Variants in ATPAF2 observed in about 807,000 individuals in gnomAD.
ATPAF2 encodes the protein ATP synthase mitochondrial F1 complex assembly factor 2, also known as ATP12 homolog.
ATPAF2 carries 30 observed loss-of-function variants against 36.6 expected under a neutral mutation model. That is an observed-to-expected ratio of 0.82 (90% CI 0.61 to 1.11). The LOEUF is 1.11. Ranked by LOEUF, ATPAF2 falls within the 50% of genes most tolerant of loss-of-function variation. ATPAF2 has a pLI of 0.00. For missense variants in ATPAF2, 321 were observed against 372.3 expected (o/e 0.86, Z 1.13); for synonymous variants, 140 against 152.6 (o/e 0.92, Z 0.61).
intron 3 of ATPAF2, among the ~76,000 whole-genome samples, chr17:18,027,784 C>A (rs1448229217): frequency 6.6e-6 from 1 of 152,214 alleles, no homozygotes; most frequent in Non-Finnish European, 1.5e-5. Context: ...TGAGTACCAA[C>A]TAAATTACCT....
rs2044577281 is a variant in ATPAF2 at position 18,028,281 on chromosome 17, G to A, written c.275C>T (p.Thr92Ile). 1 of 1,614,088 alleles carries A rather than the reference G, an allele frequency of 6.2e-7. No homozygotes were observed. Among genetic ancestry groups the A allele is most frequent in the Admixed American group, 1.7e-5 (1 of 60,004 alleles). The change falls in exon 3 of 8, where the codon ACT becomes ATT. Residue 92 changes from threonine (T) to isoleucine (I), a missense_variant. By Grantham distance (89) the Thr-to-Ile change is moderately conservative (BLOSUM62 -1). Around this residue, in one of 3 missense-constraint regions of ATPAF2, gnomAD observed 53 missense variants for 91.6 expected, o/e 0.58. Transcript: ENST00000474627. ...GGTATCCTGCTGGGAATCCCACTCAGTAGCCACTGCAATGGCCAGGGCCTC... is the reference window on the plus strand; with the variant it reads ...GGTATCCTGCTGGGAATCCCACTCAATAGCCACTGCAATGGCCAGGGCCTC... ...PSEALAIAVA[T>I]EWDSQQDTIK...
intron 4 of ATPAF2, chr17:18,026,057 G>T (rs982451553): frequency 1.8e-6 from 1 of 561,700 alleles, no homozygotes; most frequent in African/African-American, 1.9e-5. Context: ...CACGGCACCT[G>T]CAAGAGCTGC....
chr17:18,019,245 G>C (rs961096203), intron 7 of ATPAF2, among the ~76,000 whole-genome samples: 2 of 151,806 alleles, frequency 1.3e-5, no homozygotes, highest in Non-Finnish European at 2.9e-5. Flanking sequence ...TGGCATGGAT[G>C]GTCTGGAAGA....
rs1346345212 is a variant in ATPAF2, at chr17:18,018,412, G to A, written c.*137C>T. 3.9e-5 allele frequency: 49 copies of A among 1,262,422 alleles called. No individual in the cohort carries two copies. The highest frequency in any genetic ancestry group is 3.2e-4 in the South Asian group (26 of 82,484). The allele number at this position is 1,262,422 out of a possible 1,614,324, so 78.2% of individuals were successfully genotyped here. A position where few individuals can be genotyped will look rare whatever the true frequency, so the allele number is the denominator to read the frequency against. ...CAGCCGTACTAGCGCACTGTGTCTC[G>A]GGGGGAATCTCAGGGTGACGCTGAG... On this transcript the variant is annotated 3_prime_UTR_variant, in exon 8 of 8. Coordinates refer to ENST00000474627, the MANE Select transcript of ATPAF2 (RefSeq NM_145691.4).
rs201900136 is a variant in ATPAF2 at position 18,021,873 on chromosome 17, C to G, written c.504-16G>C. The G allele has an allele frequency of 1.9e-6, 3 of 1,608,488 alleles. No individual in the cohort carries two copies. The highest frequency in any genetic ancestry group is 2.6e-6 in the Non-Finnish European group (3 of 1,175,022). On this transcript the variant is annotated splice_polypyrimidine_tract_variant and intron_variant, in intron 5 of 7. Coordinates refer to ENST00000474627, the MANE Select transcript of ATPAF2 (RefSeq NM_145691.4). ...CACGCCGTATCTGAAAGGAAAAGGG[C>G]TTCGGCATGTCTCTGTCATGCTGTA... is the stretch of plus-strand genomic sequence containing the variant.
At position 18,028,116 on chromosome 17, in the gene ATPAF2, G is replaced by C. The variant is rs2044574122; in HGVS notation, c.324+116C>G. ...TGACTTGAGAGGAGGTGAATCCCTG[G>C]GGGCCAGACAGGCAAAGGACCAGCC... On this transcript the variant is annotated intron_variant, in intron 3 of 7. Transcript: ENST00000474627. The C allele has an allele frequency of 7.1e-6, 9 of 1,266,860 alleles. No individual in the cohort carries two copies. The Admixed American group carries it at 1.3e-4, about 19-fold the overall frequency. The allele number at this position is 1,266,860 out of a possible 1,614,324, so 78.5% of individuals were successfully genotyped here.
chr17:18,018,460 A>T lies in ATPAF2; in HGVS notation c.*89T>A. 1.3e-6 allele frequency: 2 copies of T among 1,582,886 alleles called. No individual in the cohort carries two copies. Among genetic ancestry groups the T allele is most frequent in the Non-Finnish European group, 1.7e-6 (2 of 1,163,780 alleles). Reference sequence around the variant, plus strand: ...GAGGCCGAGTCCCCAAAAGCCAAGGAAGCCAGCCCCACAGGCTGGGGAGCC... The same window carrying T: ...GAGGCCGAGTCCCCAAAAGCCAAGGTAGCCAGCCCCACAGGCTGGGGAGCC... On this transcript the variant is annotated 3_prime_UTR_variant, in exon 8 of 8. Transcript: ENST00000474627.
downstream of ATPAF2, chr17:18,016,319 G>A: frequency 8.6e-7 from 1 of 1,159,832 alleles, no homozygotes; most frequent in Non-Finnish European, 1.2e-6. Flanking sequence ...TAAAATTAAG[G>A]ATTATAGAAT....
chr17:18,037,589 A>G (rs2044721808), intron 1 of ATPAF2, among the ~76,000 whole-genome samples: 1 of 152,176 alleles, frequency 6.6e-6, no homozygotes, highest in East Asian at 1.9e-4. Flanking sequence ...TCTCAAAAAA[A>G]CACAAAAAAA....
At position 18,038,886 on chromosome 17, in the gene ATPAF2, G is replaced by A. The variant is rs1442700672; in HGVS notation, c.128C>T (p.Pro43Leu). Reference protein sequence around the residue: ...IPSPARAYAPPTERKRFYQNV... With the variant: ...IPSPARAYAPLTERKRFYQNV... ...AGAACATGTCATGGTCTTACCTGTC[G>A]GCGGGGCGTAAGCCCGGGCTGGAGA... Residue 43 changes from proline (P) to leucine (L), a missense_variant, in exon 1 of 8, where the codon CCG (proline) becomes CTG (leucine). Pro to Leu is a moderately conservative substitution (Grantham distance 98, BLOSUM62 -3). This residue lies in a region of ATPAF2 where 53 missense variants were observed against 91.6 expected (regional missense o/e 0.58). Coordinates refer to ENST00000474627, the MANE Select transcript of ATPAF2 (RefSeq NM_145691.4). The A allele has an allele frequency of 5.0e-6, 8 of 1,613,962 alleles. No homozygotes were observed. Among genetic ancestry groups the A allele is most frequent in the Middle Eastern group, 3.3e-4 (2 of 6,056 alleles).
chr17:18,038,062 T>G (rs978094906), intron 1 of ATPAF2, among the ~76,000 whole-genome samples: 19 of 152,260 alleles, frequency 1.2e-4, no homozygotes, highest in African/African-American at 4.6e-4. Flanking sequence ...TATTATAACC[T>G]TTTGCAATGA....
At chr17:18,021,952 T>C in intron 5 of ATPAF2, 95 bp from the exon 6 acceptor site, 3 of 1,079,204 alleles carry the variant, frequency 2.8e-6, no homozygotes, top group Admixed American at 3.5e-5. Flanking sequence ...CTTCAGAGCA[T>C]GTGTGTGCAT....
chr17:18,018,751 C>G (rs2044422489), intron 7 of ATPAF2, 65 bp from the exon 8 acceptor site: 2 of 1,611,358 alleles, frequency 1.2e-6, no homozygotes, highest in Non-Finnish European at 8.5e-7. Flanking sequence ...CTGACCAAAG[C>G]CACGTTCCAT....
intron 3 of ATPAF2, 111 bp from the exon 4 acceptor site, chr17:18,026,527 C>A: frequency 1.2e-6 from 1 of 841,532 alleles, no homozygotes; most frequent in Non-Finnish European, 2.1e-6. Flanking sequence ...ACAGCACAGC[C>A]CTCCACCAGA....
At chr17:18,021,066 C>T in intron 7 of ATPAF2, 57 bp downstream of exon 7, 1 of 1,571,528 alleles carries the variant, frequency 6.4e-7, no homozygotes, top group African/African-American at 1.4e-5. Context: ...TAGCTGCTCC[C>T]CCAAAGTGAG....
chr17:18,015,487 GTTTCTA>G (rs2044325856), downstream of ATPAF2: 1 of 152,790 alleles, frequency 6.5e-6, no homozygotes, highest in Admixed American at 6.5e-5. Flanking sequence ...GAAGGTGGTT[GTTTCTA>G]ACAACTTTTT....
chr17:18,024,858 T>C, intron 4 of ATPAF2, 154 bp from the exon 5 acceptor site: 1 of 697,184 alleles, frequency 1.4e-6, no homozygotes, highest in South Asian at 1.6e-5. Context: ...GTTCTCAAAG[T>C]GTGGCCCTGG....
chr17:18,015,997 T>C, downstream of ATPAF2: 1 of 1,571,596 alleles, frequency 6.4e-7, no homozygotes, highest in Admixed American at 1.7e-5. Context: ...TCCTTCTCTG[T>C]TCAGCTCCCT....
At chr17:18,035,086 G>A (rs545085208) in intron 1 of ATPAF2, among the ~76,000 whole-genome samples, 1 of 152,112 alleles carries the variant, frequency 6.6e-6, no homozygotes, top group South Asian at 2.1e-4. Flanking sequence ...AAAGCTAGCC[G>A]GGCATGGTGG....
Sources: gnomAD v4.1 joint callset for allele counts (sites outside exome capture counted in the v4.1 genomes callset) on GRCh38, gnomAD v4.1.1 for gene constraint, gnomAD v4.1.1 regional missense constraint, MANE v1.5 for transcripts, NCBI Gene and HGNC (gene_info 2026-07-23, HGNC 2026-07-21) for gene names.